Variants in KIAA1217 observed in about 807,000 individuals in gnomAD.
The protein encoded by KIAA1217 is sickle tail protein homolog.
In KIAA1217, 88 loss-of-function variants were observed where a neutral mutation model predicts 163.9. The observed-to-expected ratio is 0.54, with a 90% CI of 0.45 to 0.64. The LOEUF is 0.64. KIAA1217 is among the 30% of genes least tolerant of loss of function. The pLI is 0.00. For synonymous variants in KIAA1217, 903 were observed against 923.1 expected (o/e 0.98, Z 0.39); for missense variants, 2,372 against 2,475.0 (o/e 0.96, Z 0.88).
rs186000029 is a variant in KIAA1217 at position 24,404,166 on chromosome 10, G to A, written c.553+23099G>A. 5.3e-5 allele frequency among the ~76,000 whole-genome samples: 8 copies of A among 152,228 alleles called. No homozygotes were observed. The South Asian group carries it at 1.0e-3, about 20-fold the overall frequency. Reference sequence around the variant, plus strand: ...TAGACACAGGGTTTCACCATGCTACGCAGGCTGGTCTCGAACTCTGGGGTC... The same window carrying A: ...TAGACACAGGGTTTCACCATGCTACACAGGCTGGTCTCGAACTCTGGGGTC... On this transcript the variant is annotated intron_variant, in intron 3 of 20. Transcript: ENST00000376454.
At chr10:24,103,290 A>C (rs993633070) in intron 2 of KIAA1217, among the ~76,000 whole-genome samples, 1 of 152,224 alleles carries the variant, frequency 6.6e-6, no homozygotes, top group South Asian at 2.1e-4. Context: ...TAAATGCAAA[A>C]CAATAAAGCT....
chr10:24,054,733 C>G (rs573292610), intron 2 of KIAA1217, among the ~76,000 whole-genome samples: 1 of 152,248 alleles, frequency 6.6e-6, no homozygotes, highest in Non-Finnish European at 1.5e-5. Context: ...TTGGCATAGC[C>G]TACTACACAC....
At chr10:23,757,229 A>G (rs12146296) in intron 1 of KIAA1217, among the ~76,000 whole-genome samples, 27,028 of 152,020 alleles carry the variant, frequency 0.18, 2,518 homozygotes, top group Middle Eastern at 0.26. Context: ...TCTTTTGGGT[A>G]TATACTCAGT....
intron 2 of KIAA1217, among the ~76,000 whole-genome samples, chr10:24,059,305 C>T (rs969739554): frequency 6.6e-6 from 1 of 151,928 alleles, no homozygotes; most frequent in East Asian, 1.9e-4. Context: ...GTTGTTTTAT[C>T]TATGTTCATC....
At chr10:24,207,282 T>TCTCTCTCTCACACACACACA (rs529791287), upstream of KIAA1217, among the ~76,000 whole-genome samples, 40 of 140,232 alleles carry the variant, frequency 2.9e-4, no homozygotes, top group African/African-American at 1.1e-3. Context: ...TCTCTCTCTC[T>TCTCTCTCTCACACACACACA]CACACACACA....
intron 1 of KIAA1217, among the ~76,000 whole-genome samples, chr10:23,934,807 C>T (rs900596041): frequency 1.3e-4 from 19 of 150,634 alleles, no homozygotes; most frequent in Admixed American, 7.3e-4. Context: ...TTAGTAGAGA[C>T]GGAGTCTCAC....
chr10:24,073,391 A>AAATAGTCAAGG lies in KIAA1217; in HGVS notation c.-171+66017_-171+66018insAATAGTCAAGG, dbSNP rs2061258127. On this transcript the variant is annotated intron_variant, in intron 2 of 18. Transcript: ENST00000376462. ...ACTAGAAATAGTCAAGGGCATATTGAGCTTGAGGAATCTGAAGAACACTCA... is the reference window on the plus strand; with the variant it reads ...ACTAGAAATAGTCAAGGGCATATTGAAATAGTCAAGGGCTTGAGGAATCTGAAGAACACTCA... 2.0e-5 allele frequency among the ~76,000 whole-genome samples: 3 copies of AAATAGTCAAGG among 152,244 alleles called. No individual in the cohort carries two copies. The South Asian group carries it at 6.2e-4, about 32-fold the overall frequency.
intron 1 of KIAA1217, among the ~76,000 whole-genome samples, chr10:23,911,068 T>C (rs1016513871): frequency 1.3e-5 from 2 of 152,172 alleles, no homozygotes; most frequent in Admixed American, 1.3e-4. Flanking sequence ...AGTTCTAGCA[T>C]GTATTATTTC....
Position 24,543,626 on chromosome 10 carries a change from C to T in KIAA1217, c.4356C>T (p.Asp1452=), listed in dbSNP as rs1046111472. Residue 1452 remains aspartate, a synonymous_variant, in exon 19 of 21, where the codon GAC becomes GAT. Coordinates refer to ENST00000376454, the MANE Select transcript of KIAA1217 (RefSeq NM_019590.5). ...PVIIIFDEPM[D]IRSAYKRLST... ...TCATCATTTTCGATGAGCCCATGGA[C>T]ATCCGGTCTGCCTATAAGAGACTTT... is the stretch of plus-strand genomic sequence containing the variant. 2 of 1,614,048 alleles carry T rather than the reference C, an allele frequency of 1.2e-6. No individual in the cohort carries two copies.
intron 2 of KIAA1217, among the ~76,000 whole-genome samples, chr10:24,127,571 G>A (rs1362309084): frequency 2.0e-5 from 3 of 152,028 alleles, no homozygotes; most frequent in African/African-American, 4.8e-5. Flanking sequence ...CAAATTCTGA[G>A]TATCAAAGTA....
chr10:24,498,695 C>T (rs1042768202), intron 8 of KIAA1217, among the ~76,000 whole-genome samples: 2 of 152,134 alleles, frequency 1.3e-5, no homozygotes, highest in Non-Finnish European at 2.9e-5. Flanking sequence ...GTGGCACATA[C>T]CCATAGTCCC....
intron 1 of KIAA1217, among the ~76,000 whole-genome samples, chr10:23,765,063 G>A (rs1292259003): frequency 6.6e-6 from 1 of 151,884 alleles, no homozygotes; most frequent in Non-Finnish European, 1.5e-5. Context: ...AGGTAGTTGG[G>A]AAAGTCATTT....
chr10:24,046,377 T>G (rs1483651096), intron 2 of KIAA1217, among the ~76,000 whole-genome samples: 1 of 152,154 alleles, frequency 6.6e-6, no homozygotes, highest in Non-Finnish European at 1.5e-5. Context: ...CCTATTTTGC[T>G]GATAAGGAAA....
intron 2 of KIAA1217, among the ~76,000 whole-genome samples, chr10:24,118,618 CAG>C (rs1174643593): frequency 1.3e-5 from 2 of 152,132 alleles, no homozygotes; most frequent in African/African-American, 4.8e-5. Flanking sequence ...CGCCTTCAAA[CAG>C]AGATAGCGGA....
intron 6 of KIAA1217, among the ~76,000 whole-genome samples, chr10:24,487,429 TAATC>T (rs1481910732): frequency 6.6e-6 from 1 of 152,242 alleles, no homozygotes; most frequent in African/African-American, 2.4e-5. Flanking sequence ...ATTGACATGA[TAATC>T]AATCGTCTCC....
intron 1 of KIAA1217, among the ~76,000 whole-genome samples, chr10:23,920,711 C>T (rs1842819542): frequency 6.6e-6 from 1 of 152,140 alleles, no homozygotes; most frequent in South Asian, 2.1e-4. Flanking sequence ...CCAGTCAGTC[C>T]ACTGATAGCT....
intron 2 of KIAA1217, among the ~76,000 whole-genome samples, chr10:24,282,492 C>T (rs2078060448): frequency 6.6e-6 from 1 of 152,142 alleles, no homozygotes. Context: ...TTTATTTATT[C>T]AATCATTCGT....
At chr10:23,859,028 C>T (rs1170374314) in intron 1 of KIAA1217, among the ~76,000 whole-genome samples, 1 of 152,156 alleles carries the variant, frequency 6.6e-6, no homozygotes, top group Admixed American at 6.5e-5. Flanking sequence ...CAGTGGAGCA[C>T]AAAGACCCTG....
intron 1 of KIAA1217, among the ~76,000 whole-genome samples, chr10:24,004,885 G>C (rs1369679881): frequency 6.6e-6 from 1 of 152,214 alleles, no homozygotes; most frequent in African/African-American, 2.4e-5. Context: ...AGGAAGGGCT[G>C]TAAGCTGTGG....
Sources: allele counts gnomAD v4.1 joint callset (sites outside exome capture counted in the v4.1 genomes callset), GRCh38; gene constraint gnomAD v4.1.1; transcripts MANE v1.5; gene names NCBI Gene and HGNC (gene_info 2026-07-23, HGNC 2026-07-21).